Variants in MACROD1 observed in about 807,000 individuals in gnomAD.
MACROD1 encodes the protein ADP-ribose glycohydrolase MACROD1.
Under a neutral mutation model 41.4 loss-of-function variants are expected in MACROD1, and 31 were observed. The observed-to-expected ratio is 0.75, with a 90% CI of 0.56 to 1.01. The LOEUF is 1.01. Among genes scored for constraint, MACROD1 ranks in the 50% least tolerant of loss-of-function variants. MACROD1 has a pLI of 0.00. For synonymous variants in MACROD1, 252 were observed against 203.4 expected (o/e 1.24, Z -2.03); for missense variants, 473 against 460.0 (o/e 1.03, Z -0.26).
chr11:64,128,687 C>G (rs1302353393), intron 3 of MACROD1, among the ~76,000 whole-genome samples: 1 of 151,998 alleles, frequency 6.6e-6, no homozygotes, highest in African/African-American at 2.4e-5. Flanking sequence ...CCTGACACCC[C>G]CCAGGCCCAG....
intron 3 of MACROD1, among the ~76,000 whole-genome samples, chr11:64,058,219 TG>T (rs1303632500): frequency 3.9e-5 from 6 of 152,208 alleles, no homozygotes; most frequent in African/African-American, 1.4e-4. Flanking sequence ...GGTAGAGAGG[TG>T]GGCATCTGAG....
chr11:64,019,731 G>C (rs320131), intron 3 of MACROD1, among the ~76,000 whole-genome samples: 11,845 of 152,270 alleles, frequency 0.078, 596 homozygotes, highest in South Asian at 0.26. Context: ...TGACCGGAGG[G>C]GTAGCTGGGA....
At chr11:64,009,392 C>T (rs151194333) in intron 4 of MACROD1, among the ~76,000 whole-genome samples, 664 of 152,272 alleles carry the variant, frequency 4.4e-3, no homozygotes, top group Non-Finnish European at 6.8e-3. Flanking sequence ...ACAGGCCTTC[C>T]CCCTGGGGGG....
chr11:64,119,501 G>A (rs1653806556), intron 3 of MACROD1, among the ~76,000 whole-genome samples: 1 of 148,434 alleles, frequency 6.7e-6, no homozygotes, highest in Admixed American at 6.6e-5. Context: ...TCCTAGGACG[G>A]GTAATTAGCG....
At chr11:64,057,869 G>A (rs946813117) in intron 3 of MACROD1, among the ~76,000 whole-genome samples, 1 of 152,234 alleles carries the variant, frequency 6.6e-6, no homozygotes, top group Admixed American at 6.5e-5. Context: ...ACCGAGGCAC[G>A]AATTCGTGAG....
intron 3 of MACROD1, among the ~76,000 whole-genome samples, chr11:64,065,848 C>A (rs1311316220): frequency 6.6e-6 from 1 of 151,130 alleles, no homozygotes; most frequent in Non-Finnish European, 1.5e-5. Context: ...CATGCACAGG[C>A]AGGCAGGTGG....
chr11:64,166,012 C>G lies in MACROD1; in HGVS notation c.-18G>C. Reference sequence around the variant, plus strand: ...AGAGACATGAGCGGGCGGCGCGGGACGGCTCTCCGCCCACTTGGACTCTAT... The same window carrying G: ...AGAGACATGAGCGGGCGGCGCGGGAGGGCTCTCCGCCCACTTGGACTCTAT... On this transcript the variant is annotated 5_prime_UTR_variant, in exon 1 of 11. Transcript: ENST00000255681. 8.0e-7 allele frequency: 1 copy of G among 1,256,660 alleles called. No individual in the cohort carries two copies. The highest frequency in any genetic ancestry group is 1.0e-6 in the Non-Finnish European group (1 of 1,003,774). The allele number at this position is 1,256,660 out of a possible 1,614,324, so 77.8% of individuals were successfully genotyped here.
chr11:64,148,811 C>T, intron 3 of MACROD1: 1 of 985,768 alleles, frequency 1.0e-6, no homozygotes, highest in Non-Finnish European at 1.2e-6. Context: ...GAACTGCAAT[C>T]TCTGCTGCCC....
chr11:64,098,598 G>A (rs1944618965), intron 3 of MACROD1, among the ~76,000 whole-genome samples: 1 of 152,204 alleles, frequency 6.6e-6, no homozygotes, highest in Non-Finnish European at 1.5e-5. Context: ...GGAAGTCAGA[G>A]CCATGGAACA....
chr11:64,148,578 C>G (rs971516259), intron 3 of MACROD1, among the ~76,000 whole-genome samples: 5 of 152,168 alleles, frequency 3.3e-5, no homozygotes, highest in Admixed American at 1.3e-4. Context: ...TGTGGTGGCT[C>G]CGTGGTAGGC....
intron 2 of MACROD1, 112 bp from the exon 3 acceptor site, chr11:64,151,467 G>A: frequency 1.4e-6 from 1 of 720,538 alleles, no homozygotes; most frequent in South Asian, 1.6e-5. Context: ...ACCTCCAGGG[G>A]CAGCCTGCAG....
At chr11:64,153,601 A>C (rs1945618847) in intron 1 of MACROD1, among the ~76,000 whole-genome samples, 1 of 152,124 alleles carries the variant, frequency 6.6e-6, no homozygotes, top group African/African-American at 2.4e-5. Flanking sequence ...GGCAGGGGTG[A>C]TAACAACCCA....
At chr11:64,105,267 G>A (rs1285685119) in intron 3 of MACROD1, among the ~76,000 whole-genome samples, 4 of 152,192 alleles carry the variant, frequency 2.6e-5, no homozygotes, top group Admixed American at 6.5e-5. Flanking sequence ...TGCCCCTCTA[G>A]TCCCTAGGAG....
chr11:64,114,092 A>ATGGG (rs1944921248), intron 3 of MACROD1, among the ~76,000 whole-genome samples: 1 of 150,092 alleles, frequency 6.7e-6, no homozygotes, highest in African/African-American at 2.5e-5. Flanking sequence ...GGATGGATGG[A>ATGGG]TGGACAGGTG....
chr11:64,009,019 C>T (rs758250263), intron 4 of MACROD1: 4 of 152,178 alleles, frequency 2.6e-5, no homozygotes, highest in Non-Finnish European at 4.4e-5. Context: ...ATAATTGAAA[C>T]GCTCGGATAC....
At position 64,132,404 on chromosome 11, in the gene MACROD1, G is replaced by A. The variant is rs1228505684; in HGVS notation, c.517+18835C>T. On this transcript the variant is annotated intron_variant, in intron 3 of 10. Transcript: ENST00000255681. ...CTTTAATTAGCTTTCTCCTGGATCA[G>A]GGCCCTGGCGGATGGATTGGTCACT... 3.4e-5 allele frequency among the ~76,000 whole-genome samples: 5 copies of A among 147,952 alleles called. No homozygotes were observed. In the South Asian group the frequency reaches 6.6e-4, roughly 20 times the overall value.
At chr11:64,126,431 G>A (rs953913970) in intron 3 of MACROD1, among the ~76,000 whole-genome samples, 1 of 152,186 alleles carries the variant, frequency 6.6e-6, no homozygotes, top group African/African-American at 2.4e-5. Context: ...CTGCTGGCTG[G>A]AGCCAGGAGG....
At chr11:64,135,127 A>G (rs1590955696) in intron 3 of MACROD1, among the ~76,000 whole-genome samples, 1 of 152,188 alleles carries the variant, frequency 6.6e-6, no homozygotes, top group Non-Finnish European at 1.5e-5. Context: ...AGAAGTCTAC[A>G]CTGCCAGTGG....
chr11:64,095,183 T>G (rs1944555502), intron 3 of MACROD1, among the ~76,000 whole-genome samples: 1 of 152,210 alleles, frequency 6.6e-6, no homozygotes, highest in Non-Finnish European at 1.5e-5. Flanking sequence ...TGGGCTGGCT[T>G]GCTTGCTTTA....
Sources: gnomAD v4.1 joint callset for allele counts (sites outside exome capture counted in the v4.1 genomes callset) on GRCh38, gnomAD v4.1.1 for gene constraint, MANE v1.5 for transcripts, NCBI Gene and HGNC (gene_info 2026-07-23, HGNC 2026-07-21) for gene names.